CACNB4: variants seen among roughly 807,000 people sequenced by gnomAD.
The protein encoded by CACNB4 is voltage-dependent L-type calcium channel subunit beta-4.
In CACNB4, 32 loss-of-function variants were observed where a neutral mutation model predicts 71.2. The observed-to-expected ratio is 0.45, with a 90% CI of 0.34 to 0.60. The LOEUF (loss-of-function observed/expected upper bound fraction) is 0.60. Ranked by LOEUF, CACNB4 falls within the 20% of genes least tolerant of loss-of-function variation. The probability of loss-of-function intolerance (pLI) is 0.01; values close to 1 mark genes in which losing one functional copy is unlikely to be tolerated. For synonymous variants in CACNB4, 231 were observed against 236.9 expected (o/e 0.97, Z 0.23); for missense variants, 464 against 647.9 (o/e 0.72, Z 3.08).
At chr2:151,870,955 C>T (rs2099844462) in intron 6 of CACNB4, 94 bp from the exon 7 acceptor site, 1 of 902,158 alleles carries the variant, frequency 1.1e-6, no homozygotes. Flanking sequence ...CCCATTTGTC[C>T]CTGTAATTAT....
intron 12 of CACNB4, among the ~76,000 whole-genome samples, chr2:151,843,517 T>C (rs1220051047): frequency 1.3e-5 from 2 of 151,982 alleles, no homozygotes; most frequent in African/African-American, 2.4e-5. Context: ...GATCTCACCA[T>C]GTTGCCCAGG....
At chr2:152,035,603 T>TC (rs1684522467) in intron 2 of CACNB4, among the ~76,000 whole-genome samples, 4 of 69,720 alleles carry the variant, frequency 5.7e-5, no homozygotes, top group African/African-American at 5.4e-5. Flanking sequence ...CTCTCTCTCT[T>TC]TCTCTCTCTC....
chr2:151,982,272 C>T lies in CACNB4; in HGVS notation c.148-98902G>A, dbSNP rs116051808. Among the ~76,000 whole-genome samples, 511 of 152,266 alleles carry T rather than the reference C, an allele frequency of 3.4e-3. 4 individuals are homozygous for T. Among genetic ancestry groups the T allele is most frequent in the African/African-American group, 0.012 (489 of 41,544 alleles). On this transcript the variant is annotated intron_variant, in intron 2 of 13. Coordinates refer to ENST00000539935, the MANE Select transcript of CACNB4 (RefSeq NM_000726.5). ...CAGCCTCCCTTGCAACTAGATGTGA[C>T]TGTGTTCTTGCCAATACAATAGGAG...
intron 2 of CACNB4, among the ~76,000 whole-genome samples, chr2:151,915,374 C>G (rs2099857192): frequency 6.6e-6 from 1 of 152,202 alleles, no homozygotes; most frequent in South Asian, 2.1e-4. Context: ...GGGTGCCGCC[C>G]TTCCCCCGCC....
chr2:151,905,279 C>A (rs1463575056), intron 2 of CACNB4, among the ~76,000 whole-genome samples: 1 of 152,190 alleles, frequency 6.6e-6, no homozygotes, highest in Non-Finnish European at 1.5e-5. Context: ...TACTCATTGC[C>A]ATTTCATTTA....
chr2:151,946,329 CAA>C (rs553499003), intron 2 of CACNB4, among the ~76,000 whole-genome samples: 88 of 132,374 alleles, frequency 6.6e-4, no homozygotes, highest in African/African-American at 1.8e-3. Context: ...AACTCTGTCG[CAA>C]AAAAAAAAAA....
Position 151,973,935 on chromosome 2 carries a change from G to A in CACNB4, c.148-90565C>T, listed in dbSNP as rs2099873284. Reference sequence around the variant, plus strand: ...GCATTTTATCTGCCTTCCCAATACAGAGCACAAAAAGCAAAACCCTTCCTC... The same window carrying A: ...GCATTTTATCTGCCTTCCCAATACAAAGCACAAAAAGCAAAACCCTTCCTC... On this transcript the variant is annotated intron_variant, in intron 2 of 13. Transcript: ENST00000539935. The A allele has an allele frequency of 3.1e-6, 4 of 1,309,042 alleles. No homozygotes were observed. In the South Asian group the frequency reaches 9.6e-5, roughly 31 times the overall value. The allele number at this position is 1,309,042 out of a possible 1,614,324, so 81.1% of individuals were successfully genotyped here.
intron 4 of CACNB4, among the ~76,000 whole-genome samples, chr2:151,878,908 C>T (rs1481665740): frequency 6.6e-6 from 1 of 151,950 alleles, no homozygotes; most frequent in Non-Finnish European, 1.5e-5. Context: ...GAGAACCTGT[C>T]TCCAAAAAAA....
chr2:151,869,574 C>T lies in CACNB4; in HGVS notation c.700-339G>A, dbSNP rs111990850. 1.9e-3 allele frequency: 388 copies of T among 201,556 alleles called. 1 individual carries two copies. Among genetic ancestry groups the T allele is most frequent in the African/African-American group, 6.9e-3 (301 of 43,352 alleles). The allele number at this position is 201,556 out of a possible 1,614,324, so 12.5% of individuals were successfully genotyped here. A position where few individuals can be genotyped will look rare whatever the true frequency, so the allele number is the denominator to read the frequency against. On this transcript the variant is annotated intron_variant, in intron 8 of 13. Coordinates refer to ENST00000539935, the MANE Select transcript of CACNB4 (RefSeq NM_000726.5). ...ACACAGGTGCCGGGTATCCTTGGCA[C>T]GCCTGAGTTGTGCCTGCCTCCAGTG...
intron 2 of CACNB4, among the ~76,000 whole-genome samples, chr2:152,010,514 A>G (rs1158069513): frequency 6.6e-6 from 1 of 152,242 alleles, no homozygotes; most frequent in East Asian, 1.9e-4. Flanking sequence ...ATATTTACTG[A>G]GAAAAGATTA....
At chr2:151,857,683 A>G (rs557165781) in intron 10 of CACNB4, 1 of 152,366 alleles carries the variant, frequency 6.6e-6, no homozygotes, top group East Asian at 1.9e-4. Flanking sequence ...CTTAAGCTTC[A>G]AATATGAATA....
chr2:151,973,424 C>T (rs1304837650), intron 2 of CACNB4: 16 of 514,428 alleles, frequency 3.1e-5, no homozygotes, highest in Non-Finnish European at 5.5e-5. Flanking sequence ...TAAATTCAAA[C>T]AGCCTACACT....
chr2:152,013,887 T>G (rs1209289689), intron 2 of CACNB4, among the ~76,000 whole-genome samples: 4 of 152,230 alleles, frequency 2.6e-5, no homozygotes, highest in Non-Finnish European at 5.9e-5. Flanking sequence ...GAAATGCTTC[T>G]AGGTCTCCAG....
At chr2:151,977,764 G>C (rs923523504) in intron 2 of CACNB4, among the ~76,000 whole-genome samples, 1 of 152,174 alleles carries the variant, frequency 6.6e-6, no homozygotes, top group African/African-American at 2.4e-5. Context: ...GTAGTTATGC[G>C]TTCTATAGCA....
At chr2:152,023,403 C>A (rs1370749911) in intron 2 of CACNB4, among the ~76,000 whole-genome samples, 1 of 149,444 alleles carries the variant, frequency 6.7e-6, no homozygotes, top group African/African-American at 2.5e-5. Context: ...AGAGAATGCG[C>A]TCTGGATAAA....
intron 2 of CACNB4, among the ~76,000 whole-genome samples, chr2:152,046,299 AAGAC>A (rs1255848423): frequency 6.6e-6 from 1 of 152,212 alleles, no homozygotes; most frequent in African/African-American, 2.4e-5. Flanking sequence ...TTCCTGGAAA[AAGAC>A]AGCTTATTAG....
chr2:151,948,704 C>A (rs1428914153), intron 2 of CACNB4, among the ~76,000 whole-genome samples: 8 of 151,948 alleles, frequency 5.3e-5, no homozygotes, highest in Non-Finnish European at 8.8e-5. Context: ...GTAATGGAAG[C>A]AGCAGTTCCT....
At chr2:151,949,018 C>G (rs532916355) in intron 2 of CACNB4, among the ~76,000 whole-genome samples, 1 of 151,958 alleles carries the variant, frequency 6.6e-6, no homozygotes, top group South Asian at 2.1e-4. Flanking sequence ...TGCTTGCTCT[C>G]TTTTTTGGTT....
intron 2 of CACNB4, among the ~76,000 whole-genome samples, chr2:151,892,611 A>G (rs2099850994): frequency 6.6e-6 from 1 of 152,232 alleles, no homozygotes; most frequent in African/African-American, 2.4e-5. Flanking sequence ...CAGGTATGCC[A>G]TCAAAAACAG....
Sources: allele counts gnomAD v4.1 joint callset (sites outside exome capture counted in the v4.1 genomes callset), GRCh38; gene constraint gnomAD v4.1.1; transcripts MANE v1.5; gene names NCBI Gene and HGNC (gene_info 2026-07-23, HGNC 2026-07-21).